TYRP1: variants seen among roughly 807,000 people sequenced by gnomAD.
The protein encoded by TYRP1 is 5,6-dihydroxyindole-2-carboxylic acid oxidase.
Under a neutral mutation model 42.8 loss-of-function variants are expected in TYRP1, and 49 were observed. That is an observed-to-expected ratio of 1.14 (90% CI 0.91 to 1.45). TYRP1 has a LOEUF of 1.45. TYRP1 is among the 40% of genes most tolerant of loss of function. The probability of loss-of-function intolerance (pLI) is 0.00; values close to 1 mark genes in which losing one functional copy is unlikely to be tolerated. For synonymous variants in TYRP1, 279 were observed against 235.4 expected, an observed-to-expected ratio of 1.19 and a Z score of -1.69; for missense variants, 848 against 662.0, an observed-to-expected ratio of 1.28 and a Z score of -3.08.
intron 6 of TYRP1, 133 bp from the exon 7 acceptor site, chr9:12,707,864 T>A (rs1818283919): frequency 2.4e-6 from 2 of 834,622 alleles, no homozygotes; most frequent in African/African-American, 1.7e-5. Context: ...AAACTTCATA[T>A]CTTTATTCAG....
At chr9:12,701,588 C>G (rs1033350583) in intron 4 of TYRP1, 1 of 151,822 alleles carries the variant, frequency 6.6e-6, no homozygotes, top group African/African-American at 2.4e-5. Context: ...AATCTCTCTT[C>G]TTTATAAAGC....
intron 5 of TYRP1, 53 bp downstream of exon 5, chr9:12,702,491 A>C (rs542025703): frequency 6.4e-7 from 1 of 1,568,342 alleles, no homozygotes; most frequent in African/African-American, 1.4e-5. Flanking sequence ...GAGAAAACTG[A>C]ATTATTCAAA....
chr9:12,704,159 C>T (rs1022159190), intron 5 of TYRP1, among the ~76,000 whole-genome samples: 1 of 151,972 alleles, frequency 6.6e-6, no homozygotes, highest in Non-Finnish European at 1.5e-5. Flanking sequence ...GCATTCTTCT[C>T]CCAATTGTGT....
Position 12,710,223 on chromosome 9 carries a change from T to C in TYRP1, c.*1041T>C, listed in dbSNP as rs1818337952. ...TCCAAAGAACTGTATAAGGTGGTCA[T>C]AAGTGAATATTTTAATTAAAATTGG... On this transcript the variant is annotated 3_prime_UTR_variant, in exon 8 of 8. Coordinates refer to ENST00000388918, the MANE Select transcript of TYRP1 (RefSeq NM_000550.3). 6.7e-6 allele frequency: 1 copy of C among 150,346 alleles called. No individual in the cohort carries two copies. The highest frequency in any genetic ancestry group is 6.7e-5 in the Admixed American group (1 of 14,952). 9.3% of individuals were successfully genotyped at this position (150,346 alleles called of 1,614,324 possible).
chr9:12,705,712 T>C (rs553595045), intron 6 of TYRP1, among the ~76,000 whole-genome samples: 1 of 152,008 alleles, frequency 6.6e-6, no homozygotes, highest in East Asian at 2.0e-4. Flanking sequence ...CCAGGCATGG[T>C]CATGGGCACC....
rs1434582824 is a variant in TYRP1, at chr9:12,702,289, T to A, written c.932T>A (p.Ile311Asn). 1.2e-6 allele frequency: 2 copies of A among 1,613,048 alleles called. No homozygotes were observed. The highest frequency in any genetic ancestry group is 1.7e-6 in the Non-Finnish European group (2 of 1,179,376). Residue 311 changes from isoleucine to asparagine, a missense_variant, in exon 5 of 8, where the codon ATT (isoleucine) becomes AAT (asparagine). By Grantham distance (149) the Ile-to-Asn change is moderately radical (BLOSUM62 -3). Coordinates refer to ENST00000388918, the MANE Select transcript of TYRP1 (RefSeq NM_000550.3). ...TCTGCAGGCACCGAGGATGGGCCAA[T>A]TAGGAGAAATCCAGCTGGAAATGTG... ...TLCNSTEDGP[I>N]RRNPAGNVAR...
chr9:12,698,763 A>ACTT lies in TYRP1; in HGVS notation c.913+109_913+111dup. 8.5e-6 allele frequency: 9 copies of ACTT among 1,060,108 alleles called. No homozygotes were observed. In the South Asian group the frequency reaches 1.2e-4, roughly 14 times the overall value. 65.7% of individuals were successfully genotyped at this position (1,060,108 alleles called of 1,614,324 possible). On this transcript the variant is annotated intron_variant, in intron 4 of 7. Coordinates refer to ENST00000388918, the MANE Select transcript of TYRP1 (RefSeq NM_000550.3). ...TACTAGAGAATTCAGACTAAAATCT[A>ACTT]CTTTTATTATAGAGTAACAGTGTAC... is the stretch of plus-strand genomic sequence containing the variant.
intron 7 of TYRP1, among the ~76,000 whole-genome samples, chr9:12,708,346 G>A (rs1818295372): frequency 6.6e-6 from 1 of 151,920 alleles, no homozygotes. Context: ...TTATTGTACA[G>A]CACCCTATCT....
intron 5 of TYRP1, among the ~76,000 whole-genome samples, chr9:12,702,808 TTAAA>T (rs1197484430): frequency 6.6e-6 from 1 of 152,078 alleles, no homozygotes; most frequent in Non-Finnish European, 1.5e-5. Context: ...AGTTTTTTTT[TTAAA>T]TAGAGTAATA....
intron 7 of TYRP1, among the ~76,000 whole-genome samples, chr9:12,708,700 T>G (rs2118275853): frequency 6.6e-6 from 1 of 152,066 alleles, no homozygotes; most frequent in Admixed American, 6.6e-5. Context: ...CAAAGCCAAC[T>G]TTATTGCTTA....
chr9:12,703,901 G>GTGTA (rs1309601625), intron 5 of TYRP1, among the ~76,000 whole-genome samples: 2 of 149,676 alleles, frequency 1.3e-5, no homozygotes, highest in East Asian at 3.9e-4. Context: ...GTGTGTGTGT[G>GTGTA]TGTGTGTGTA....
At chr9:12,699,266 G>C (rs973820716) in intron 4 of TYRP1, among the ~76,000 whole-genome samples, 1 of 151,978 alleles carries the variant, frequency 6.6e-6, no homozygotes, top group Non-Finnish European at 1.5e-5. Context: ...TGATCTGAAT[G>C]CCACCACTGT....
chr9:12,695,879 A>G, intron 3 of TYRP1, 42 bp downstream of exon 3: 1 of 1,592,186 alleles, frequency 6.3e-7, no homozygotes, highest in Non-Finnish European at 8.6e-7. Flanking sequence ...TTTACAGACA[A>G]GATGCCTTGT....
chr9:12,694,402 G>C (rs201977287), intron 2 of TYRP1, 21 bp downstream of exon 2: 518 of 1,612,646 alleles, frequency 3.2e-4, no homozygotes, highest in Non-Finnish European at 4.2e-4. Context: ...ATATGAATGA[G>C]TTCATAAGTC....
intron 3 of TYRP1, 73 bp downstream of exon 3, chr9:12,695,910 C>A: frequency 6.6e-7 from 1 of 1,506,092 alleles, no homozygotes; most frequent in Non-Finnish European, 9.2e-7. Context: ...TTTTAATTCA[C>A]TAGTTTTCAG....
At chr9:12,697,915 A>G (rs893874063) in intron 3 of TYRP1, among the ~76,000 whole-genome samples, 1 of 152,172 alleles carries the variant, frequency 6.6e-6, no homozygotes, top group African/African-American at 2.4e-5. Context: ...CTCAGTGTGA[A>G]AGAGTCCATT....
At position 12,698,566 on chromosome 9, in the gene TYRP1, C is replaced by G; in HGVS notation, c.824C>G (p.Thr275Ser). 6.2e-7 allele frequency: 1 copy of G among 1,613,844 alleles called. No homozygotes were observed. The part of the protein sequence containing the change: ...LMGSRSNFDS[T>S]LISPNSVFSQ... The stretch of plus-strand genomic sequence containing the variant: ...GGATCCAGAAGCAACTTTGATTCCA[C>G]TCTAATAAGCCCAAACTCTGTCTTT... Residue 275 changes from threonine to serine, a missense_variant, in exon 4 of 8, where the codon ACT becomes AGT. Coordinates refer to ENST00000388918, the MANE Select transcript of TYRP1 (RefSeq NM_000550.3).
chr9:12,694,184 G>A lies in TYRP1; in HGVS notation c.188G>A (p.Gly63Asp), dbSNP rs1818039526. ...TDRCGSSSGR[G>D]RCEAVTADSR... ...CGCTGTGGCTCATCATCAGGGAGGG[G>A]CAGATGTGAGGCAGTGACTGCAGAC... Residue 63 changes from glycine (G) to aspartate (D), a missense_variant, in exon 2 of 8, where the codon GGC (glycine) becomes GAC (aspartate). By Grantham distance (94) the Gly-to-Asp change is moderately conservative. Coordinates refer to ENST00000388918, the MANE Select transcript of TYRP1 (RefSeq NM_000550.3). 3 of 1,613,930 alleles carry A rather than the reference G, an allele frequency of 1.9e-6. No individual in the cohort carries two copies. The highest frequency in any genetic ancestry group is 2.2e-5 in the East Asian group (1 of 44,814).
chr9:12,703,258 T>A (rs1818202298), intron 5 of TYRP1, among the ~76,000 whole-genome samples: 1 of 151,938 alleles, frequency 6.6e-6, no homozygotes, highest in Admixed American at 6.6e-5. Flanking sequence ...CCCCAAAAAA[T>A]GCAAATACAT....
Sources: gnomAD v4.1 joint callset for allele counts (sites outside exome capture counted in the v4.1 genomes callset) on GRCh38, gnomAD v4.1.1 for gene constraint, MANE v1.5 for transcripts, NCBI Gene and HGNC (gene_info 2026-07-23, HGNC 2026-07-21) for gene names.